Variants in TMEM132C observed in about 807,000 individuals in gnomAD.
TMEM132C encodes the protein protein phosphatase 1, regulatory subunit 152.
A neutral mutation model predicts 61.4 loss-of-function variants in TMEM132C; 29 were observed. That is an observed-to-expected ratio of 0.47 (90% CI 0.35 to 0.64). TMEM132C has a LOEUF of 0.64. Ranked by LOEUF, TMEM132C falls within the 30% of genes least tolerant of loss-of-function variation. The pLI, the probability that TMEM132C is intolerant of heterozygous loss-of-function variation, is 0.00. For synonymous variants in TMEM132C, 656 were observed against 633.1 expected, an observed-to-expected ratio of 1.04 and a Z score of -0.54; for missense variants, 1,408 against 1,476.9, an observed-to-expected ratio of 0.95 and a Z score of 0.76.
At chr12:128,312,382 T>C (rs566977226) in intron 1 of TMEM132C, among the ~76,000 whole-genome samples, 1 of 152,234 alleles carries the variant, frequency 6.6e-6, no homozygotes, top group East Asian at 1.9e-4. Flanking sequence ...ATTGGTTCAC[T>C]GCAGCCCCAA....
chr12:128,537,788 C>T (rs1385591991), intron 2 of TMEM132C, among the ~76,000 whole-genome samples: 4 of 152,164 alleles, frequency 2.6e-5, no homozygotes, highest in East Asian at 1.9e-4. Flanking sequence ...CATGTGAAAA[C>T]GTGTAAAATC....
At chr12:128,462,169 A>C (rs936631629) in intron 2 of TMEM132C, among the ~76,000 whole-genome samples, 4 of 152,054 alleles carry the variant, frequency 2.6e-5, no homozygotes, top group African/African-American at 4.8e-5. Flanking sequence ...GCAGTGGTGC[A>C]ATCTCAGCTC....
rs139687126 is a variant in TMEM132C, at chr12:128,575,095, G to A, written c.1121+30992G>A. Among the ~76,000 whole-genome samples the A allele has an allele frequency of 4.3e-3, 658 of 152,172 alleles. 4 individuals carry two copies. The highest frequency in any genetic ancestry group is 6.5e-3 in the Non-Finnish European group (440 of 68,014). ...GACAGTCCTATGCTTTATCTTTCTC[G>A]GCAGTAGGATTATGGAATAATACCT... On this transcript the variant is annotated intron_variant, in intron 3 of 8. Transcript: ENST00000435159.
intron 2 of TMEM132C, among the ~76,000 whole-genome samples, chr12:128,533,943 G>GCACACA (rs1354225104): frequency 3.8e-5 from 4 of 105,336 alleles, no homozygotes; most frequent in African/African-American, 6.4e-5. Context: ...TCACACATGC[G>GCACACA]CACATACACA....
At chr12:128,384,469 A>C (rs1874515135) in intron 1 of TMEM132C, among the ~76,000 whole-genome samples, 1 of 152,124 alleles carries the variant, frequency 6.6e-6, no homozygotes, top group African/African-American at 2.4e-5. Context: ...CATTTAGGGG[A>C]GGGATCTTTG....
At chr12:128,683,137 T>C (rs1047670276) in intron 5 of TMEM132C, among the ~76,000 whole-genome samples, 1 of 152,252 alleles carries the variant, frequency 6.6e-6, no homozygotes, top group Admixed American at 6.5e-5. Flanking sequence ...GCTGTCATCC[T>C]GGAAGCCTCT....
At chr12:128,490,766 C>A (rs2136100223) in intron 2 of TMEM132C, among the ~76,000 whole-genome samples, 1 of 152,292 alleles carries the variant, frequency 6.6e-6, no homozygotes, top group Admixed American at 6.5e-5. Context: ...AGAGGCAATT[C>A]TAGAAAAGTC....
chr12:128,609,237 CA>C (rs1406214280), intron 3 of TMEM132C, among the ~76,000 whole-genome samples: 9 of 68,788 alleles, frequency 1.3e-4, no homozygotes, highest in African/African-American at 5.7e-4. Flanking sequence ...CTCCCTGCAA[CA>C]CTGTTACCCC....
At chr12:128,698,230 T>G (rs1954779535) in intron 8 of TMEM132C, among the ~76,000 whole-genome samples, 1 of 151,846 alleles carries the variant, frequency 6.6e-6, no homozygotes, top group South Asian at 2.1e-4. Context: ...AAATGTTGGT[T>G]GAGTGACTGA....
chr12:128,640,497 A>G (rs549044092), intron 4 of TMEM132C, among the ~76,000 whole-genome samples: 111 of 152,270 alleles, frequency 7.3e-4, no homozygotes, highest in African/African-American at 2.2e-3. Context: ...ACTCACAACT[A>G]AAGTGTGCAG....
Position 128,394,125 on chromosome 12 carries a change from A to C in TMEM132C, c.86-20607A>C, listed in dbSNP as rs1874860630. Among the ~76,000 whole-genome samples the C allele has an allele frequency of 2.6e-5, 4 of 152,322 alleles. No homozygotes were observed. The South Asian group carries it at 8.3e-4, about 32-fold the overall frequency. ...TGAAAGGCGTGTCTTACATGGCGGC[A>C]GACAAAAGAAGAGAGCTTGTGCAAG... On this transcript the variant is annotated intron_variant, in intron 1 of 8. Transcript: ENST00000435159.
At chr12:128,558,210 T>C (rs1874394091) in intron 3 of TMEM132C, among the ~76,000 whole-genome samples, 1 of 152,216 alleles carries the variant, frequency 6.6e-6, no homozygotes, top group Non-Finnish European at 1.5e-5. Context: ...TCTTGCATTA[T>C]AATTGTGGCA....
chr12:128,391,705 C>T (rs572816604), intron 1 of TMEM132C, among the ~76,000 whole-genome samples: 5 of 152,202 alleles, frequency 3.3e-5, no homozygotes, highest in African/African-American at 1.2e-4. Context: ...AACTAAGGCA[C>T]GAAGAATGAA....
At chr12:128,563,389 G>C (rs2136165288) in intron 3 of TMEM132C, among the ~76,000 whole-genome samples, 1 of 152,338 alleles carries the variant, frequency 6.6e-6, no homozygotes, top group Middle Eastern at 3.4e-3. Context: ...GCAAAGGACA[G>C]AAGTGGGCTT....
chr12:128,268,399 A>T (rs1042422692), intron 1 of TMEM132C, among the ~76,000 whole-genome samples: 3 of 152,208 alleles, frequency 2.0e-5, no homozygotes, highest in African/African-American at 7.2e-5. Flanking sequence ...CTCCAGCCCC[A>T]GGAGCCGCGG....
intron 6 of TMEM132C, 43 bp downstream of exon 6, chr12:128,694,077 C>T (rs1252293243): frequency 5.2e-6 from 8 of 1,536,196 alleles, no homozygotes; most frequent in Non-Finnish European, 7.1e-6. Flanking sequence ...AAAACAACAA[C>T]TTTATTTACT....
At position 128,462,786 on chromosome 12, in the gene TMEM132C, A is replaced by G. The variant is rs572817393; in HGVS notation, c.974+47166A>G. Reference sequence around the variant, plus strand: ...TGTAACCTTGATGAAGGTCTGTAATACCTATTTTGGAGGAAGAGAAAGAAG... The same window carrying G: ...TGTAACCTTGATGAAGGTCTGTAATGCCTATTTTGGAGGAAGAGAAAGAAG... On this transcript the variant is annotated intron_variant, in intron 2 of 8. Transcript: ENST00000435159. Among the ~76,000 whole-genome samples, 7 of 152,296 alleles carry G rather than the reference A, an allele frequency of 4.6e-5. No individual in the cohort carries two copies. The South Asian group carries it at 1.4e-3, about 32-fold the overall frequency.
chr12:128,679,289 C>T (rs1297351450), intron 5 of TMEM132C, among the ~76,000 whole-genome samples: 1 of 152,212 alleles, frequency 6.6e-6, no homozygotes, highest in Non-Finnish European at 1.5e-5. Flanking sequence ...GCTAGACTTG[C>T]ATTAGGCAGC....
rs184738281 is a variant in TMEM132C, at chr12:128,670,380, C to T, written c.1449+820C>T. On this transcript the variant is annotated intron_variant, in intron 5 of 8. Transcript: ENST00000435159. ...ACCAAAAAATTGCTTGAACATATTC[C>T]TTCTCCTGTCTAACTGATATTTTGT... is the stretch of plus-strand genomic sequence containing the variant. Among the ~76,000 whole-genome samples, 416 of 152,198 alleles carry T rather than the reference C, an allele frequency of 2.7e-3. 3 individuals carry two copies. Among genetic ancestry groups the T allele is most frequent in the African/African-American group, 9.5e-3 (396 of 41,526 alleles).
Sources: allele counts gnomAD v4.1 joint callset (sites outside exome capture counted in the v4.1 genomes callset), GRCh38; gene constraint gnomAD v4.1.1; transcripts MANE v1.5; gene names NCBI Gene and HGNC (gene_info 2026-07-23, HGNC 2026-07-21).